ARHGAP35: variants seen among roughly 807,000 people sequenced by gnomAD.
The protein encoded by ARHGAP35 is rho GTPase-activating protein 35.
In ARHGAP35, 15 loss-of-function variants were observed where a neutral mutation model predicts 111.1. The ratio of observed to expected loss-of-function variants is 0.13; its 90% CI spans 0.09 to 0.21. ARHGAP35 has a LOEUF of 0.21. Ranked by LOEUF, ARHGAP35 falls within the 10% of genes least tolerant of loss-of-function variation. ARHGAP35 has a pLI of 1.00. For missense variants in ARHGAP35, 1,262 were observed against 1,873.0 expected (o/e 0.67, Z 6.02); for synonymous variants, 643 against 710.3 (o/e 0.91, Z 1.51).
At chr19:46,879,432 C>T (rs1278032432) in intron 1 of ARHGAP35, among the ~76,000 whole-genome samples, 1 of 142,466 alleles carries the variant, frequency 7.0e-6, no homozygotes, top group African/African-American at 2.6e-5. Flanking sequence ...ACTAAAAATA[C>T]AAAAATTAGC....
chr19:46,958,575 G>A (rs140635233), intron 3 of ARHGAP35, among the ~76,000 whole-genome samples: 3 of 152,272 alleles, frequency 2.0e-5, no homozygotes, highest in East Asian at 3.9e-4. Context: ...TCAGACATCT[G>A]GAACTGGCCA....
chr19:46,884,594 G>A (rs140245573), intron 1 of ARHGAP35, among the ~76,000 whole-genome samples: 22 of 149,028 alleles, frequency 1.5e-4, no homozygotes, highest in African/African-American at 4.2e-4. Flanking sequence ...TCGACTTCCT[G>A]GGCTCAGATG....
chr19:46,885,663 GTCT>G (rs1249035818), intron 1 of ARHGAP35, among the ~76,000 whole-genome samples: 10 of 152,124 alleles, frequency 6.6e-5, no homozygotes, highest in Non-Finnish European at 1.3e-4. Flanking sequence ...TCTTTGGTTT[GTCT>G]TCTTGATCTC....
intron 1 of ARHGAP35, among the ~76,000 whole-genome samples, chr19:46,885,954 A>G (rs550767383): frequency 1.9e-4 from 29 of 152,062 alleles, no homozygotes; most frequent in Non-Finnish European, 3.7e-4. Context: ...TTATAATGTG[A>G]TTTTTAAATT....
At position 46,920,085 on chromosome 19, in the gene ARHGAP35, A is replaced by ATCTG; in HGVS notation, c.1412_1415dup (p.Tyr473CysfsTer16). ...AGGATTTCTACCAGTGGCTGGAGGA[A>ATCTG]TCTGTATACATGGATATTTATGGCA... On this transcript the variant is annotated frameshift_variant, in exon 2 of 7. Coordinates refer to ENST00000672722, the MANE Select transcript of ARHGAP35 (RefSeq NM_004491.5). LOFTEE classifies it high-confidence loss of function. This position sits in a 1 kb window ranked among gnomAD's most constrained non-coding sequence, Gnocchi z 7.0. The ATCTG allele has an allele frequency of 6.2e-7, 1 of 1,613,826 alleles. No individual in the cohort carries two copies. The highest frequency in any genetic ancestry group is 8.5e-7 in the Non-Finnish European group (1 of 1,179,830).
intron 1 of ARHGAP35, among the ~76,000 whole-genome samples, chr19:46,896,911 T>C (rs1170189735): frequency 6.6e-6 from 1 of 152,172 alleles, no homozygotes; most frequent in Non-Finnish European, 1.5e-5. Context: ...TTCTTTCTTT[T>C]GAGACAGCTT....
At chr19:46,864,951 T>C (rs778992042) in intron 1 of ARHGAP35, among the ~76,000 whole-genome samples, 16 of 152,366 alleles carry the variant, frequency 1.1e-4, no homozygotes, top group Non-Finnish European at 2.2e-4. Context: ...TTAATATCAT[T>C]GGCAGCATGA....
intron 3 of ARHGAP35, 75 bp downstream of exon 3, chr19:46,937,483 G>T: frequency 6.6e-7 from 1 of 1,513,776 alleles, no homozygotes; most frequent in Non-Finnish European, 9.1e-7. Context: ...AAGCCATCTG[G>T]AGATTCTGGA....
chr19:46,982,893 T>C (rs1371842756), intron 3 of ARHGAP35, among the ~76,000 whole-genome samples: 1 of 149,664 alleles, frequency 6.7e-6, no homozygotes, highest in African/African-American at 2.5e-5. Flanking sequence ...GAAAAAAAAA[T>C]TTAAAAATTA....
At chr19:46,883,427 G>T (rs997360712) in intron 1 of ARHGAP35, among the ~76,000 whole-genome samples, 3 of 152,272 alleles carry the variant, frequency 2.0e-5, no homozygotes, top group Admixed American at 2.0e-4. Flanking sequence ...ACATGGTTGT[G>T]TCTCAGAGAA....
chr19:46,952,319 C>T (rs2056417274), intron 3 of ARHGAP35, among the ~76,000 whole-genome samples: 1 of 152,112 alleles, frequency 6.6e-6, no homozygotes, highest in South Asian at 2.1e-4. Flanking sequence ...AATTTATGAT[C>T]CTCCAAATAA....
chr19:46,957,229 G>A (rs1334004099), intron 3 of ARHGAP35, among the ~76,000 whole-genome samples: 2 of 152,054 alleles, frequency 1.3e-5, no homozygotes, highest in African/African-American at 4.8e-5. Flanking sequence ...CCAAAGTGCT[G>A]GGATTACAGG....
intron 3 of ARHGAP35, among the ~76,000 whole-genome samples, chr19:46,980,147 G>A (rs2059468960): frequency 6.6e-6 from 1 of 152,134 alleles, no homozygotes; most frequent in African/African-American, 2.4e-5. Flanking sequence ...CACTTTGGGA[G>A]GCAAAGGTGG....
rs149086545 is a variant in ARHGAP35 at position 47,000,682 on chromosome 19, G to T, written c.4494G>T (p.Thr1498=). The change falls in exon 7 of 7, where the codon ACG becomes ACT. Residue 1498 remains threonine (T), a synonymous_variant. Transcript: ENST00000672722. The surrounding 1 kb of genome is among the most constrained non-coding windows in gnomAD (Gnocchi z 6.9). ...CCTCCCAGCTTCAAGCCGAACACAC[G>T]CTGTGAGCCACCAAGACCTGGGGCG... The part of the protein sequence containing the change: ...LLPSQLQAEH[T]L The T allele has an allele frequency of 1.3e-6, 2 of 1,576,850 alleles. No individual in the cohort carries two copies. Among genetic ancestry groups the T allele is most frequent in the African/African-American group, 1.4e-5 (1 of 73,854 alleles).
intron 1 of ARHGAP35, among the ~76,000 whole-genome samples, chr19:46,900,291 G>A (rs1171522488): frequency 7.2e-6 from 1 of 138,828 alleles, no homozygotes; most frequent in African/African-American, 2.7e-5. Context: ...GTGCAATCTC[G>A]GCTCACTGCA....
chr19:46,898,092 A>G (rs1348951580), intron 1 of ARHGAP35, among the ~76,000 whole-genome samples: 2 of 152,074 alleles, frequency 1.3e-5, no homozygotes, highest in Non-Finnish European at 2.9e-5. Context: ...AAATACAAAA[A>G]TTAGCCGGGC....
intron 1 of ARHGAP35, among the ~76,000 whole-genome samples, chr19:46,873,210 C>A (rs1214263794): frequency 6.6e-6 from 1 of 152,088 alleles, no homozygotes. Flanking sequence ...AGAATGCTTT[C>A]GCCCAGTGTG....
chr19:46,890,325 T>C (rs2056017688), intron 1 of ARHGAP35, among the ~76,000 whole-genome samples: 1 of 152,238 alleles, frequency 6.6e-6, no homozygotes, highest in East Asian at 1.9e-4. Context: ...CATTGTTTAG[T>C]AAAAATGTCT....
rs554210146 is a variant in ARHGAP35 at position 46,951,362 on chromosome 19, C to T, written c.3826+13954C>T. Among the ~76,000 whole-genome samples the T allele has an allele frequency of 8.5e-5, 13 of 152,290 alleles. 1 individual carries two copies. The highest frequency in any genetic ancestry group is 2.2e-4 in the African/African-American group (9 of 41,562). On this transcript the variant is annotated intron_variant, in intron 3 of 6. Coordinates refer to ENST00000672722, the MANE Select transcript of ARHGAP35 (RefSeq NM_004491.5). The stretch of plus-strand genomic sequence containing the variant: ...AGCTGTACCGAAAGGAACTGTGGGA[C>T]GTGCCCAGAGAAACCAACTGAGTAC...
Sources: allele counts gnomAD v4.1 joint callset (sites outside exome capture counted in the v4.1 genomes callset), GRCh38; gene constraint gnomAD v4.1.1; non-coding constraint Gnocchi (gnomAD v3.1); transcripts MANE v1.5; gene names NCBI Gene and HGNC (gene_info 2026-07-23, HGNC 2026-07-21).